Variants in EEPD1 observed in about 807,000 individuals in gnomAD.
EEPD1 encodes endonuclease/exonuclease/phosphatase family domain-containing protein 1.
A neutral mutation model predicts 46.3 loss-of-function variants in EEPD1; 17 were observed. The ratio of observed to expected loss-of-function variants is 0.37; its 90% CI spans 0.25 to 0.55. The LOEUF is 0.55. Among genes scored for constraint, EEPD1 ranks in the 20% least tolerant of loss-of-function variants. The pLI, the probability that EEPD1 is intolerant of heterozygous loss-of-function variation, is 0.83. For synonymous variants in EEPD1, 313 were observed against 315.6 expected (o/e 0.99, Z 0.09); for missense variants, 673 against 745.6 (o/e 0.90, Z 1.13).
At chr7:36,219,804 A>AGTGT (rs770071168) in intron 2 of EEPD1, among the ~76,000 whole-genome samples, 1,596 of 87,642 alleles carry the variant, frequency 0.018, 9 homozygotes, top group Non-Finnish European at 0.022. Context: ...AGAGAGAGAG[A>AGTGT]GAGTGTGTGT....
intron 3 of EEPD1, among the ~76,000 whole-genome samples, chr7:36,259,580 G>A (rs939314611): frequency 1.3e-5 from 2 of 152,202 alleles, no homozygotes; most frequent in South Asian, 4.2e-4. Flanking sequence ...CCCAATCTCA[G>A]CTCACTGCAG....
intron 3 of EEPD1, among the ~76,000 whole-genome samples, chr7:36,246,646 A>G (rs1215672096): frequency 6.6e-6 from 1 of 152,008 alleles, no homozygotes; most frequent in Admixed American, 6.5e-5. Context: ...CCTTTTGCCA[A>G]ATTGTCTAGG....
intron 6 of EEPD1, among the ~76,000 whole-genome samples, chr7:36,292,352 CTT>C (rs1349617020): frequency 4.0e-5 from 6 of 149,294 alleles, no homozygotes; most frequent in African/African-American, 1.5e-4. Context: ...TTCTTTCTTT[CTT>C]TTTTCTTTTC....
chr7:36,291,479 G>A (rs562034598), intron 6 of EEPD1, among the ~76,000 whole-genome samples: 107 of 152,190 alleles, frequency 7.0e-4, no homozygotes, highest in Non-Finnish European at 1.5e-3. Context: ...CCCATGGGTC[G>A]TGGCTGTTAA....
At chr7:36,176,645 A>G (rs770049532) in intron 2 of EEPD1, among the ~76,000 whole-genome samples, 1 of 152,212 alleles carries the variant, frequency 6.6e-6, no homozygotes, top group Non-Finnish European at 1.5e-5. Context: ...TGAAAGTTTC[A>G]CTGGAATAAA....
intron 3 of EEPD1, among the ~76,000 whole-genome samples, chr7:36,252,175 G>A (rs196549): frequency 0.23 from 35,107 of 152,128 alleles, 4,267 homozygotes; most frequent in East Asian, 0.38. Flanking sequence ...TAATATCCAT[G>A]CGGATTACAG....
chr7:36,182,807 G>A (rs1785297399), intron 2 of EEPD1, among the ~76,000 whole-genome samples: 2 of 152,220 alleles, frequency 1.3e-5, no homozygotes, highest in Admixed American at 1.3e-4. Flanking sequence ...CACAGATGCA[G>A]GCACTAAAAA....
intron 2 of EEPD1, among the ~76,000 whole-genome samples, chr7:36,209,685 G>C (rs895344452): frequency 2.6e-5 from 4 of 152,154 alleles, no homozygotes; most frequent in African/African-American, 9.7e-5. Context: ...TCAGGAGACT[G>C]CATGTGGTTT....
intron 2 of EEPD1, among the ~76,000 whole-genome samples, chr7:36,168,075 C>T (rs1562671512): frequency 1.3e-5 from 2 of 152,152 alleles, no homozygotes; most frequent in African/African-American, 2.4e-5. Context: ...TCCCCTGCCA[C>T]GACCATCCCT....
rs560702787 is a variant in EEPD1, at chr7:36,154,169, A to G, written c.-156A>G. 5 of 889,550 alleles carry G rather than the reference A, an allele frequency of 5.6e-6. No homozygotes were observed. In the East Asian group the frequency reaches 8.0e-5, roughly 14 times the overall value. The allele number at this position is 889,550 out of a possible 1,614,324, so 55.1% of individuals were successfully genotyped here. Reference sequence around the variant, plus strand: ...AAAGGTAATTTTGGACACGCCAGGCATGGAAGATTCGGTGTTTGTCTATAG... The same window carrying G: ...AAAGGTAATTTTGGACACGCCAGGCGTGGAAGATTCGGTGTTTGTCTATAG... On this transcript the variant is annotated 5_prime_UTR_variant, in exon 2 of 8. An upstream start codon of the reference 5' UTR is lost. Coordinates refer to ENST00000242108, the MANE Select transcript of EEPD1 (RefSeq NM_030636.3). The surrounding 1 kb of genome is among the most constrained non-coding windows in gnomAD (Gnocchi z 4.2).
chr7:36,221,938 T>C (rs1160057144), intron 2 of EEPD1, among the ~76,000 whole-genome samples: 2 of 152,216 alleles, frequency 1.3e-5, no homozygotes, highest in Non-Finnish European at 2.9e-5. Context: ...TGGCCACACA[T>C]GTACCTGTGC....
intron 3 of EEPD1, among the ~76,000 whole-genome samples, chr7:36,265,306 T>A (rs1165678014): frequency 1.3e-5 from 2 of 152,124 alleles, no homozygotes; most frequent in African/African-American, 4.8e-5. Flanking sequence ...CTTCAGTGTT[T>A]ACAGACAGAG....
chr7:36,170,664 T>C (rs1195834180), intron 2 of EEPD1, among the ~76,000 whole-genome samples: 1 of 151,902 alleles, frequency 6.6e-6, no homozygotes, highest in Admixed American at 6.6e-5. Context: ...GTATTACATA[T>C]ATGCCCTTAG....
chr7:36,156,007 CTG>C (rs1451549568), intron 2 of EEPD1, among the ~76,000 whole-genome samples: 2 of 152,152 alleles, frequency 1.3e-5, no homozygotes, highest in African/African-American at 4.8e-5. Context: ...AAATAGCAAA[CTG>C]TATAATGTAA....
At chr7:36,231,600 C>G (rs946137827) in intron 2 of EEPD1, among the ~76,000 whole-genome samples, 1 of 152,188 alleles carries the variant, frequency 6.6e-6, no homozygotes, top group Non-Finnish European at 1.5e-5. Flanking sequence ...AAGCAGCTTC[C>G]TAACCCCTGC....
Position 36,287,758 on chromosome 7 carries a change from C to T in EEPD1, c.1296C>T (p.Thr432=), listed in dbSNP as rs1346081729. The change falls in exon 6 of 8, where the codon ACC becomes ACT. Residue 432 remains threonine, a synonymous_variant. Transcript: ENST00000242108. ...ACCGGTTGGCGAGCTTTGCACAGAC[C>T]CTACAGGAAACCCTGAAAGGTAGGA... ...DGHRLASFAQ[T]LQETLKGEKD... The T allele has an allele frequency of 6.2e-7, 1 of 1,613,924 alleles. No individual in the cohort carries two copies. Among genetic ancestry groups the T allele is most frequent in the Non-Finnish European group, 8.5e-7 (1 of 1,179,892 alleles).
chr7:36,290,230 C>T (rs1787407617), intron 6 of EEPD1, among the ~76,000 whole-genome samples: 1 of 152,178 alleles, frequency 6.6e-6, no homozygotes, highest in African/African-American at 2.4e-5. Context: ...CCCACCCCAC[C>T]CCTGGTATCC....
intron 7 of EEPD1, 29 bp from the exon 8 acceptor site, chr7:36,298,977 TC>T (rs372989895): frequency 5.6e-6 from 9 of 1,609,210 alleles, no homozygotes; most frequent in Middle Eastern, 1.7e-4. Flanking sequence ...CCATCCTGAT[TC>T]CCGGTCTCTT....
At chr7:36,279,014 A>G (rs1787221399) in intron 3 of EEPD1, among the ~76,000 whole-genome samples, 2 of 152,232 alleles carry the variant, frequency 1.3e-5, no homozygotes, top group Middle Eastern at 3.2e-3. Flanking sequence ...CAGAGAACAT[A>G]TCTGTATGCA....
Sources: gnomAD v4.1 joint callset for allele counts (sites outside exome capture counted in the v4.1 genomes callset) on GRCh38, gnomAD v4.1.1 for gene constraint, Gnocchi (gnomAD v3.1) non-coding constraint, MANE v1.5 for transcripts, NCBI Gene and HGNC (gene_info 2026-07-23, HGNC 2026-07-21) for gene names.